Variants in DNAI4 observed in about 807,000 individuals in gnomAD.
The protein encoded by DNAI4 is dynein axonemal intermediate chain 4.
DNAI4 carries 85 observed loss-of-function variants against 105.8 expected under a neutral mutation model. The observed-to-expected ratio is 0.80, with a 90% confidence interval of 0.67 to 0.96. The LOEUF (loss-of-function observed/expected upper bound fraction) is 0.96. Among genes scored for constraint, DNAI4 ranks in the 40% least tolerant of loss-of-function variants. The pLI is 0.00. For synonymous variants in DNAI4, 352 were observed against 331.5 expected (o/e 1.06, Z -0.67); for missense variants, 1,014 against 1,005.6 (o/e 1.01, Z -0.11).
chr1:66,892,915 AAAGAAAGAGAGAAAGAG>A, intron 3 of DNAI4, among the ~76,000 whole-genome samples: 1 of 147,692 alleles, frequency 6.8e-6, no homozygotes, highest in African/African-American at 2.6e-5. Context: ...CTCAAAAAAG[AAAGAAAGAGAGAAAGAG>A]AAGAAAGAGA....
At position 66,822,466 on chromosome 1, in the gene DNAI4, G is replaced by A; in HGVS notation, c.2391C>T (p.Thr797=). Reference sequence around the variant, plus strand: ...AATCTGTTTGTTTGGCAAAGAGAATGGTTGTGAACTTGATTCCAGGGTTAG... The same window carrying A: ...AATCTGTTTGTTTGGCAAAGAGAATAGTTGTGAACTTGATTCCAGGGTTAG... ...NTANPGIKFT[T]ILFAKQTDCL... is the part of the protein sequence containing the mutation. Residue 797 remains threonine, a synonymous_variant, in exon 16 of 17, where the codon ACC becomes ACT. Coordinates refer to ENST00000371026, the MANE Select transcript of DNAI4 (RefSeq NM_024763.5). 3 of 1,612,778 alleles carry A rather than the reference G, an allele frequency of 1.9e-6. No individual in the cohort carries two copies. The highest frequency in any genetic ancestry group is 1.7e-6 in the Non-Finnish European group (2 of 1,179,462).
chr1:66,864,025 CATAA>C (rs1646681493), intron 6 of DNAI4, among the ~76,000 whole-genome samples: 3 of 152,082 alleles, frequency 2.0e-5, no homozygotes, highest in Admixed American at 2.0e-4. Flanking sequence ...ATAACTGTTA[CATAA>C]ATAAATACGC....
intron 2 of DNAI4, among the ~76,000 whole-genome samples, chr1:66,901,289 G>C (rs986593035): frequency 6.6e-6 from 1 of 151,778 alleles, no homozygotes. Flanking sequence ...TCAGTTGGAA[G>C]GGTAAGTTAT....
At chr1:66,853,375 C>G (rs191331288) in intron 7 of DNAI4, among the ~76,000 whole-genome samples, 47 of 152,288 alleles carry the variant, frequency 3.1e-4, no homozygotes, top group South Asian at 8.3e-4. Flanking sequence ...TTATCATGGT[C>G]AGCAGCTGTA....
intron 7 of DNAI4, among the ~76,000 whole-genome samples, chr1:66,856,051 G>C (rs1262976164): frequency 1.3e-5 from 2 of 151,624 alleles, no homozygotes; most frequent in African/African-American, 4.9e-5. Context: ...GACCAGACTG[G>C]TCTTGAACTC....
At chr1:66,823,286 A>ATTTTC (rs1431495414) in intron 15 of DNAI4, among the ~76,000 whole-genome samples, 1 of 150,834 alleles carries the variant, frequency 6.6e-6, no homozygotes, top group Non-Finnish European at 1.5e-5. Flanking sequence ...TATGTGCCAC[A>ATTTTC]TTTTCTTAAT....
At chr1:66,866,582 A>G (rs1409068578) in intron 6 of DNAI4, among the ~76,000 whole-genome samples, 1 of 152,074 alleles carries the variant, frequency 6.6e-6, no homozygotes, top group Non-Finnish European at 1.5e-5. Flanking sequence ...CTCCTGTTCA[A>G]TGTATTTTAT....
At chr1:66,825,458 G>A (rs1378922928) in intron 15 of DNAI4, among the ~76,000 whole-genome samples, 1 of 152,084 alleles carries the variant, frequency 6.6e-6, no homozygotes, top group Non-Finnish European at 1.5e-5. Flanking sequence ...TGGGATTACA[G>A]GCGTGAGCCA....
At chr1:66,837,167 C>A (rs1363440046) in intron 10 of DNAI4, among the ~76,000 whole-genome samples, 1 of 151,890 alleles carries the variant, frequency 6.6e-6, no homozygotes, top group Non-Finnish European at 1.5e-5. Flanking sequence ...AGATCGAGAC[C>A]ATCCTGGCCA....
intron 8 of DNAI4, among the ~76,000 whole-genome samples, chr1:66,841,440 C>A (rs766880683): frequency 6.6e-6 from 1 of 152,162 alleles, no homozygotes; most frequent in East Asian, 1.9e-4. Flanking sequence ...GAATGTCTTA[C>A]GGAACAACAG....
At chr1:66,838,952 A>C (rs1646089045) in intron 9 of DNAI4, among the ~76,000 whole-genome samples, 1 of 152,230 alleles carries the variant, frequency 6.6e-6, no homozygotes. Context: ...TGCCAGGCAC[A>C]GAGTTAACGT....
intron 7 of DNAI4, among the ~76,000 whole-genome samples, chr1:66,860,072 G>C (rs1391309498): frequency 2.4e-5 from 3 of 122,648 alleles, no homozygotes; most frequent in Non-Finnish European, 4.0e-5. Flanking sequence ...ACAGAAAGTA[G>C]AGAGATGAAG....
intron 1 of DNAI4, among the ~76,000 whole-genome samples, chr1:66,923,925 C>T (rs4655658): frequency 0.79 from 119,704 of 152,130 alleles, 47,492 homozygotes; most frequent in East Asian, 0.88. Flanking sequence ...TGCATAACAA[C>T]AGAATGTTGG....
chr1:66,910,532 G>A (rs752654780), intron 1 of DNAI4, among the ~76,000 whole-genome samples: 3 of 152,140 alleles, frequency 2.0e-5, no homozygotes, highest in Non-Finnish European at 4.4e-5. Flanking sequence ...ACTTTCTTTA[G>A]GTCTTTAATG....
intron 8 of DNAI4, among the ~76,000 whole-genome samples, chr1:66,847,075 G>A (rs1286825727): frequency 6.6e-6 from 1 of 152,170 alleles, no homozygotes; most frequent in Non-Finnish European, 1.5e-5. Flanking sequence ...GAATAAGGGA[G>A]AAGAAAGAGC....
chr1:66,892,678 G>T (rs1647758269), intron 3 of DNAI4, among the ~76,000 whole-genome samples: 1 of 152,040 alleles, frequency 6.6e-6, no homozygotes, highest in South Asian at 2.1e-4. Context: ...GGCCTAGGCA[G>T]GTGGATCACC....
At chr1:66,825,472 C>T (rs1268173319) in intron 15 of DNAI4, among the ~76,000 whole-genome samples, 2 of 152,142 alleles carry the variant, frequency 1.3e-5, no homozygotes, top group African/African-American at 2.4e-5. Context: ...TGAGCCACCG[C>T]GCACGGCCTA....
At chr1:66,835,575 T>A (rs758895404) in intron 11 of DNAI4, 51 bp downstream of exon 11, 54 of 1,563,666 alleles carry the variant, frequency 3.5e-5, no homozygotes, top group Non-Finnish European at 4.6e-5. Flanking sequence ...TTAGAGTAAA[T>A]CCTCCTGAAA....
intron 6 of DNAI4, among the ~76,000 whole-genome samples, chr1:66,863,117 A>G (rs951366680): frequency 6.6e-6 from 1 of 152,240 alleles, no homozygotes; most frequent in African/African-American, 2.4e-5. Flanking sequence ...AAATATAACA[A>G]TGGTTTGCAA....
Sources: allele counts gnomAD v4.1 joint callset (sites outside exome capture counted in the v4.1 genomes callset), GRCh38; gene constraint gnomAD v4.1.1; transcripts MANE v1.5; gene names NCBI Gene and HGNC (gene_info 2026-07-23, HGNC 2026-07-21).